The following B4GALT4 variants were observed in gnomAD, a reference collection of about 807,000 sequenced individuals.
The protein encoded by B4GALT4 is N-acetyllactosamine synthase.
A neutral mutation model predicts 37.3 loss-of-function variants in B4GALT4; 27 were observed. The observed-to-expected ratio is 0.72, with a 90% CI of 0.53 to 1.00. The LOEUF (loss-of-function observed/expected upper bound fraction) is 1.00. Among genes scored for constraint, B4GALT4 ranks in the 50% least tolerant of loss-of-function variants. The pLI, the probability that B4GALT4 is intolerant of heterozygous loss-of-function variation, is 0.00. For synonymous variants in B4GALT4, 148 were observed against 154.1 expected (o/e 0.96, Z 0.29); for missense variants, 372 against 413.1 (o/e 0.90, Z 0.86).
Position 119,224,038 on chromosome 3 carries a change from CCTCAG to C in B4GALT4, c.674+15_674+19del, listed in dbSNP as rs1559922598. ...AGTTGAGCTTCTCGACCTAAGCCACCCTCAGCAGAACCACCTTACCTGTACCCAGT... is the reference window on the plus strand; with the variant it reads ...AGTTGAGCTTCTCGACCTAAGCCACCCAGAACCACCTTACCTGTACCCAGT... On this transcript the variant is annotated intron_variant, in intron 5 of 7. Coordinates refer to ENST00000393765, the MANE Select transcript of B4GALT4 (RefSeq NM_003778.4). The C allele has an allele frequency of 6.3e-7, 1 of 1,592,948 alleles. No individual in the cohort carries two copies. The highest frequency in any genetic ancestry group is 2.3e-5 in the East Asian group (1 of 44,156).
rs745601792 is a variant in B4GALT4, at chr3:119,224,069, G to A, written c.663C>T (p.Ser221=). The A allele has an allele frequency of 4.3e-6, 7 of 1,613,272 alleles. No individual in the cohort carries two copies. The highest frequency in any genetic ancestry group is 5.9e-6 in the Non-Finnish European group (7 of 1,179,654). ...HPKHLVVGRN[S]TGYRLRYSGY... ...CAGAACCACCTTACCTGTACCCAGT[G>A]CTGTTCCTGCCAACCACCAGATGCT... The change falls in exon 5 of 8, where the codon AGC becomes AGT. Residue 221 remains serine, a synonymous_variant. Transcript: ENST00000393765.
At chr3:119,230,742 T>C (rs1242979259) in intron 2 of B4GALT4, among the ~76,000 whole-genome samples, 1 of 152,222 alleles carries the variant, frequency 6.6e-6, no homozygotes, top group Non-Finnish European at 1.5e-5. Context: ...CAACAGGGAA[T>C]GAATGCTATA....
At chr3:119,229,741 T>C in intron 3 of B4GALT4, 106 bp downstream of exon 3, 3 of 1,185,580 alleles carry the variant, frequency 2.5e-6, no homozygotes, top group Non-Finnish European at 3.5e-6. Flanking sequence ...ACAGGAGATA[T>C]ATATATTTAT....
chr3:119,233,271 GA>G (rs1408892738), intron 2 of B4GALT4: 3 of 152,196 alleles, frequency 2.0e-5, no homozygotes, highest in African/African-American at 7.2e-5. Context: ...AGAGTGGGAA[GA>G]GATTTAAAAA....
At chr3:119,221,758 C>A (rs2078457399) in intron 5 of B4GALT4, among the ~76,000 whole-genome samples, 2 of 152,172 alleles carry the variant, frequency 1.3e-5, no homozygotes, top group South Asian at 4.1e-4. Flanking sequence ...TAAAAGAGGG[C>A]CATGGATTTG....
At chr3:119,228,385 A>G (rs1205249684) in intron 3 of B4GALT4, among the ~76,000 whole-genome samples, 7 of 151,964 alleles carry the variant, frequency 4.6e-5, no homozygotes, top group Admixed American at 3.3e-4. Context: ...TTGGGTCACT[A>G]ATGGCCCATT....
In B4GALT4 at chr3:119,218,632, C is replaced by A; in HGVS notation, c.797+18G>T. ...TGAGTGCAGAGCCCCGTGAAGGGGA[C>A]CTTTCTCTGTTGTTCACCTGAGTCT... On this transcript the variant is annotated intron_variant, in intron 6 of 7. Coordinates refer to ENST00000393765, the MANE Select transcript of B4GALT4 (RefSeq NM_003778.4). 6.2e-7 allele frequency: 1 copy of A among 1,614,138 alleles called. No individual in the cohort carries two copies. Among genetic ancestry groups the A allele is most frequent in the Non-Finnish European group, 8.5e-7 (1 of 1,180,010 alleles).
chr3:119,212,749 C>T, intron 7 of B4GALT4, 68 bp from the exon 8 acceptor site: 2 of 1,407,044 alleles, frequency 1.4e-6, no homozygotes, highest in Non-Finnish European at 1.9e-6. Flanking sequence ...TTTTGCCTTG[C>T]CCTGAAATGT....
intron 6 of B4GALT4, among the ~76,000 whole-genome samples, chr3:119,217,011 A>G (rs988191402): frequency 6.6e-6 from 1 of 152,242 alleles, no homozygotes; most frequent in Non-Finnish European, 1.5e-5. Flanking sequence ...GCGAATAAAT[A>G]AGCAGTAAAT....
chr3:119,212,089 CA>C lies in B4GALT4; in HGVS notation c.*459del. 2 of 699,840 alleles carry C rather than the reference CA, an allele frequency of 2.9e-6. No homozygotes were observed. The highest frequency in any genetic ancestry group is 4.0e-5 in the Admixed American group (2 of 49,748). 43.4% of individuals were successfully genotyped at this position (699,840 alleles called of 1,614,324 possible). Reference sequence around the variant, plus strand: ...CTTCTCACCTGACACCACCACTTCACAGATGATTGTACAGGATAAATGAATA... The same window carrying C: ...CTTCTCACCTGACACCACCACTTCACGATGATTGTACAGGATAAATGAATA... On this transcript the variant is annotated 3_prime_UTR_variant, in exon 8 of 8. Transcript: ENST00000393765.
At chr3:119,223,983 A>G in intron 5 of B4GALT4, 75 bp downstream of exon 5, 1 of 1,396,730 alleles carries the variant, frequency 7.2e-7, no homozygotes, top group Non-Finnish European at 9.5e-7. Flanking sequence ...GACACTCTGG[A>G]TGCTTGTTCC....
At chr3:119,214,168 A>G (rs918085451) in intron 7 of B4GALT4, 1 of 152,234 alleles carries the variant, frequency 6.6e-6, no homozygotes, top group African/African-American at 2.4e-5. Flanking sequence ...TCGAGGCTGT[A>G]GTGAGCCATG....
intron 2 of B4GALT4, among the ~76,000 whole-genome samples, chr3:119,231,141 TAAA>T (rs1413785040): frequency 2.6e-5 from 4 of 152,210 alleles, no homozygotes; most frequent in Non-Finnish European, 4.4e-5. Context: ...TGTCAGCTGA[TAAA>T]TTGCCACTCT....
At chr3:119,214,770 T>C (rs557043908) in intron 7 of B4GALT4, 5 of 152,170 alleles carry the variant, frequency 3.3e-5, no homozygotes, top group Non-Finnish European at 7.4e-5. Flanking sequence ...GAAGGAACAA[T>C]AGAATTAGAA....
intron 2 of B4GALT4, 71 bp from the exon 3 acceptor site, chr3:119,230,315 A>G (rs72655927): frequency 2.3e-5 from 14 of 619,500 alleles, no homozygotes; most frequent in Middle Eastern, 4.4e-4. Flanking sequence ...ACTCCAGCAC[A>G]AACTGAAAAC....
intron 7 of B4GALT4, chr3:119,213,098 A>G (rs1034645153): frequency 3.3e-5 from 5 of 153,532 alleles, no homozygotes; most frequent in African/African-American, 1.2e-4. Context: ...CAAAAAAATT[A>G]GAATGTATGT....
chr3:119,217,389 G>C (rs1201249856), intron 6 of B4GALT4, among the ~76,000 whole-genome samples: 3 of 152,188 alleles, frequency 2.0e-5, no homozygotes, highest in African/African-American at 4.8e-5. Flanking sequence ...TAGAGCCCCT[G>C]GTCAGGGGAA....
chr3:119,226,856 A>T lies in B4GALT4; in HGVS notation c.439T>A (p.Phe147Ile), dbSNP rs1363918768. Residue 147 changes from phenylalanine (F) to isoleucine (I), a missense_variant, in exon 4 of 8, where the codon TTC (phenylalanine) becomes ATC (isoleucine). Physicochemically the swap from Phe to Ile is conservative, Grantham distance 21. Coordinates refer to ENST00000393765, the MANE Select transcript of B4GALT4 (RefSeq NM_003778.4). ...LMYLLEHLHP[F>I]LQRQQLDYGI... ...TAATCCAGCTGCTGCCTCTGCAGGA[A>T]GGGATGCAGATGTTCCAGCAGGTAC... The T allele has an allele frequency of 6.2e-7, 1 of 1,614,150 alleles. No individual in the cohort carries two copies. Among genetic ancestry groups the T allele is most frequent in the African/African-American group, 1.3e-5 (1 of 75,040 alleles).
intron 5 of B4GALT4, among the ~76,000 whole-genome samples, chr3:119,222,791 G>A (rs1048110407): frequency 6.6e-6 from 1 of 152,194 alleles, no homozygotes; most frequent in Admixed American, 6.5e-5. Flanking sequence ...CTTACCTGGG[G>A]AACAGCTTTA....
Sources: allele counts gnomAD v4.1 joint callset (sites outside exome capture counted in the v4.1 genomes callset), GRCh38; gene constraint gnomAD v4.1.1; transcripts MANE v1.5; gene names NCBI Gene and HGNC (gene_info 2026-07-23, HGNC 2026-07-21).